DOCK3: variants seen among roughly 807,000 people sequenced by gnomAD.
DOCK3 encodes the protein dedicator of cytokinesis 3.
A neutral mutation model predicts 265.6 loss-of-function variants in DOCK3; 60 were observed. The ratio of observed to expected loss-of-function variants is 0.23; its 90% CI spans 0.18 to 0.28. DOCK3 has a LOEUF of 0.28. DOCK3 is among the 10% of genes least tolerant of loss of function. The probability of loss-of-function intolerance (pLI) is 1.00; values close to 1 mark genes in which losing one functional copy is unlikely to be tolerated. For synonymous variants in DOCK3, 881 were observed against 938.0 expected, an observed-to-expected ratio of 0.94 and a Z score of 1.11; for missense variants, 1,981 against 2,594.3, an observed-to-expected ratio of 0.76 and a Z score of 5.14.
At chr3:51,278,484 C>A in intron 26 of DOCK3, 7 of 985,372 alleles carry the variant, frequency 7.1e-6, no homozygotes, top group Non-Finnish European at 8.4e-6. Context: ...TGGAGCAAGC[C>A]AAGCTACAGC....
intron 1 of DOCK3, among the ~76,000 whole-genome samples, chr3:50,681,651 A>G (rs998471947): frequency 3.3e-5 from 5 of 152,186 alleles, no homozygotes; most frequent in African/African-American, 1.2e-4. Flanking sequence ...GATTTGCTAT[A>G]TCACACCTTA....
chr3:50,752,883 G>A (rs561049151), intron 1 of DOCK3, among the ~76,000 whole-genome samples: 30 of 152,194 alleles, frequency 2.0e-4, no homozygotes, highest in Non-Finnish European at 4.3e-4. Flanking sequence ...CCTCCCTCCC[G>A]TACTTTGTGC....
At chr3:51,313,164 AG>A (rs2083187030) in intron 31 of DOCK3, among the ~76,000 whole-genome samples, 2 of 152,210 alleles carry the variant, frequency 1.3e-5, no homozygotes, top group Non-Finnish European at 2.9e-5. Context: ...AAGAAAAAAA[AG>A]AAAAGGAGGG....
intron 3 of DOCK3, among the ~76,000 whole-genome samples, chr3:50,874,692 T>G (rs2107609161): frequency 6.6e-6 from 1 of 152,314 alleles, no homozygotes; most frequent in African/African-American, 2.4e-5. Context: ...CCTAAGTATT[T>G]TATTTTATTT....
rs368819970 is a variant in DOCK3 at position 50,925,824 on chromosome 3, C to CTTTTTTTTTTTTTTTTTTTTTT, written c.219-8154_219-8133dup. ...TCAGCAGCTACTAGGTAAAACTAGT[C>CTTTTTTTTTTTTTTTTTTTTTT]TTTTTTTTTTTTTTTTTTTTTTTTG... is the stretch of plus-strand genomic sequence containing the variant. On this transcript the variant is annotated intron_variant, in intron 4 of 52. Coordinates refer to ENST00000266037, the MANE Select transcript of DOCK3 (RefSeq NM_004947.5). Among the ~76,000 whole-genome samples, 10 of 88,428 alleles carry CTTTTTTTTTTTTTTTTTTTTTT rather than the reference C, an allele frequency of 1.1e-4. 1 individual carries two copies. The highest frequency in any genetic ancestry group is 5.2e-4 in the African/African-American group (10 of 19,404). 58.0% of individuals were successfully genotyped at this position (88,428 alleles called of 152,430 possible).
intron 5 of DOCK3, among the ~76,000 whole-genome samples, chr3:50,974,892 C>T (rs2108501845): frequency 8.2e-6 from 1 of 121,378 alleles, no homozygotes; most frequent in Non-Finnish European, 1.8e-5. Context: ...ATTTTATTCT[C>T]TTTGAAGCAA....
intron 1 of DOCK3, chr3:50,719,764 C>A: frequency 9.7e-7 from 1 of 1,029,414 alleles, no homozygotes; most frequent in Non-Finnish European, 1.5e-6. Context: ...CCACCAGTGC[C>A]ATTATGGTGT....
intron 33 of DOCK3, 45 bp downstream of exon 33, chr3:51,330,268 G>A (rs1301348492): frequency 1.8e-5 from 28 of 1,543,664 alleles, no homozygotes; most frequent in Non-Finnish European, 2.5e-5. Flanking sequence ...GGGATGGGAT[G>A]AAGTGGGCCA....
At chr3:50,901,962 T>C in intron 4 of DOCK3, among the ~76,000 whole-genome samples, 1 of 152,322 alleles carries the variant, frequency 6.6e-6, no homozygotes, top group Middle Eastern at 3.4e-3. Context: ...TTCTTGATTC[T>C]CTCTCTCCCA....
At chr3:51,237,461 C>T in intron 20 of DOCK3, 29 bp from the exon 21 acceptor site, 1 of 1,565,606 alleles carries the variant, frequency 6.4e-7, no homozygotes, top group Non-Finnish European at 8.7e-7. Context: ...TCCAGTGAAC[C>T]CTGATGGCTT....
intron 9 of DOCK3, 51 bp from the exon 10 acceptor site, chr3:51,146,498 T>C (rs1412341455): frequency 3.3e-6 from 5 of 1,536,424 alleles, no homozygotes; most frequent in East Asian, 2.4e-5. Flanking sequence ...TTTTCTTTGT[T>C]CTGGAGTGTG....
intron 23 of DOCK3, among the ~76,000 whole-genome samples, chr3:51,265,822 A>G (rs1023028557): frequency 5.9e-5 from 9 of 152,204 alleles, no homozygotes; most frequent in African/African-American, 2.2e-4. Context: ...CTCCTATTCA[A>G]CATAGTATTG....
intron 23 of DOCK3, among the ~76,000 whole-genome samples, chr3:51,266,428 A>G (rs1280948413): frequency 6.6e-6 from 1 of 152,254 alleles, no homozygotes; most frequent in African/African-American, 2.4e-5. Flanking sequence ...ACTTCAAACT[A>G]TACTACAAGG....
intron 22 of DOCK3, among the ~76,000 whole-genome samples, chr3:51,257,835 A>G (rs139328148): frequency 5.9e-5 from 9 of 152,250 alleles, no homozygotes; most frequent in Admixed American, 1.3e-4. Flanking sequence ...CTCACCTTCT[A>G]TTCCACTCCT....
chr3:50,986,260 C>T lies in DOCK3; in HGVS notation c.315+52183C>T, dbSNP rs9851205. Among the ~76,000 whole-genome samples the T allele has an allele frequency of 3.4e-3, 525 of 152,278 alleles. 4 individuals carry two copies. The highest frequency in any genetic ancestry group is 0.012 in the African/African-American group (506 of 41,552). On this transcript the variant is annotated intron_variant, in intron 5 of 52. Coordinates refer to ENST00000266037, the MANE Select transcript of DOCK3 (RefSeq NM_004947.5). ...GATGAATAAACCAAAAAAAATTATG[C>T]AAGTATATAGTTACAATCTAAAGTA...
chr3:50,922,321 G>T (rs2050523368), intron 4 of DOCK3, among the ~76,000 whole-genome samples: 1 of 152,170 alleles, frequency 6.6e-6, no homozygotes, highest in Non-Finnish European at 1.5e-5. Flanking sequence ...TGCTAGCAGT[G>T]ATCGAGGCTC....
intron 49 of DOCK3, among the ~76,000 whole-genome samples, chr3:51,365,114 G>C (rs1458680576): frequency 6.6e-6 from 1 of 152,178 alleles, no homozygotes; most frequent in Non-Finnish European, 1.5e-5. Context: ...CTATCCATGA[G>C]CATGGAATGT....
chr3:51,137,661 T>C (rs2084867396), intron 9 of DOCK3, among the ~76,000 whole-genome samples: 1 of 152,196 alleles, frequency 6.6e-6, no homozygotes, highest in Non-Finnish European at 1.5e-5. Flanking sequence ...TTGTCACAGA[T>C]TGAAATTATG....
chr3:50,803,482 A>C (rs1320013384), intron 2 of DOCK3, among the ~76,000 whole-genome samples: 5 of 152,188 alleles, frequency 3.3e-5, no homozygotes, highest in Non-Finnish European at 7.4e-5. Flanking sequence ...CTTTCTACAC[A>C]GACACAGCAA....
Sources: gnomAD v4.1 joint callset for allele counts (sites outside exome capture counted in the v4.1 genomes callset) on GRCh38, gnomAD v4.1.1 for gene constraint, MANE v1.5 for transcripts, NCBI Gene and HGNC (gene_info 2026-07-23, HGNC 2026-07-21) for gene names.